The following UHRF1 variants were observed in gnomAD, a reference collection of about 807,000 sequenced individuals.
The protein encoded by UHRF1 is ubiquitin like with PHD and ring finger domains 1.
A neutral mutation model predicts 96.5 loss-of-function variants in UHRF1; 9 were observed. The observed-to-expected ratio is 0.09, with a 90% CI of 0.06 to 0.16. The LOEUF (loss-of-function observed/expected upper bound fraction) is 0.16, where lower values mean the gene tolerates loss of function less well. UHRF1 is among the 10% of genes least tolerant of loss of function. The pLI is 1.00. For synonymous variants in UHRF1, 455 were observed against 469.9 expected (o/e 0.97, Z 0.41); for missense variants, 626 against 1,131.1 (o/e 0.55, Z 6.40).
At chr19:4,912,800 C>T (rs1470587576) in intron 2 of UHRF1, among the ~76,000 whole-genome samples, 1 of 152,068 alleles carries the variant, frequency 6.6e-6, no homozygotes, top group Non-Finnish European at 1.5e-5. Context: ...TCTCACTCTG[C>T]CCAGGCTGTG....
chr19:4,931,982 G>A (rs2033066931), intron 4 of UHRF1, among the ~76,000 whole-genome samples: 1 of 152,096 alleles, frequency 6.6e-6, no homozygotes, highest in African/African-American at 2.4e-5. Context: ...GCCCAGGCTG[G>A]CGTCAATGGC....
chr19:4,957,921 T>C (rs1217267026), intron 16 of UHRF1, among the ~76,000 whole-genome samples: 1 of 152,122 alleles, frequency 6.6e-6, no homozygotes, highest in Non-Finnish European at 1.5e-5. Context: ...TGGACAGGTG[T>C]GGAAGGGACT....
At chr19:4,956,644 A>G in intron 15 of UHRF1, 65 bp from the exon 16 acceptor site, 1 of 980,124 alleles carries the variant, frequency 1.0e-6, no homozygotes, top group Non-Finnish European at 1.6e-6. Flanking sequence ...CTCAGCAGGA[A>G]GCCACTGATC....
In UHRF1 at chr19:4,912,826, C is replaced by A. The variant is rs115398256; in HGVS notation, c.153+1788C>A. ...CCAGGCTGTGTTGCAGTGGCACGAT[C>A]ACAGCTCACTATAGCCTCAGCTTCC... is the stretch of plus-strand genomic sequence containing the variant. On this transcript the variant is annotated intron_variant, in intron 2 of 16. Transcript: ENST00000650932. 2.0e-4 allele frequency among the ~76,000 whole-genome samples: 31 copies of A among 152,256 alleles called. 1 individual carries two copies. The highest frequency in any genetic ancestry group is 7.2e-4 in the African/African-American group (30 of 41,540).
intron 2 of UHRF1, among the ~76,000 whole-genome samples, chr19:4,911,656 C>A (rs894877907): frequency 6.6e-6 from 1 of 152,206 alleles, no homozygotes; most frequent in Non-Finnish European, 1.5e-5. Context: ...CTGTCTCCAG[C>A]CCCTCGTTGC....
chr19:4,931,399 C>T (rs1204677794), intron 4 of UHRF1, among the ~76,000 whole-genome samples: 1 of 152,180 alleles, frequency 6.6e-6, no homozygotes, highest in Non-Finnish European at 1.5e-5. Flanking sequence ...GCCTCAGCCT[C>T]CTGAGTAGCT....
intron 11 of UHRF1, 150 bp downstream of exon 11, chr19:4,947,361 C>T (rs967498255): frequency 8.2e-6 from 6 of 735,644 alleles, no homozygotes; most frequent in East Asian, 2.8e-5. Context: ...CCTCTGTCTC[C>T]CAAAGTGCTG....
At chr19:4,946,974 A>G (rs2033584431) in intron 10 of UHRF1, 131 bp from the exon 11 acceptor site, 2 of 694,116 alleles carry the variant, frequency 2.9e-6, no homozygotes, top group Admixed American at 2.8e-5. Context: ...CAATTTCCCC[A>G]CATTCTCACC....
chr19:4,933,966 TGTGTGC>T (rs66955211), intron 5 of UHRF1, among the ~76,000 whole-genome samples: 5,230 of 68,942 alleles, frequency 0.076, 111 homozygotes, highest in South Asian at 0.21. Flanking sequence ...TTTGTGTGTG[TGTGTGC>T]GTGTGTGTGT....
At chr19:4,940,840 T>C (rs972178668) in intron 5 of UHRF1, among the ~76,000 whole-genome samples, 1 of 151,526 alleles carries the variant, frequency 6.6e-6, no homozygotes, top group African/African-American at 2.4e-5. Context: ...GCCCAGCTAA[T>C]TTTTGCATTT....
intron 9 of UHRF1, 114 bp from the exon 10 acceptor site, chr19:4,945,747 T>G (rs1599287737): frequency 1.3e-6 from 1 of 787,834 alleles, no homozygotes; most frequent in Non-Finnish European, 2.1e-6. Flanking sequence ...GCCTGAGGAG[T>G]TTGGTGTAAA....
chr19:4,944,172 C>T lies in UHRF1; in HGVS notation c.1114C>T (p.Leu372=), dbSNP rs776770273. The T allele has an allele frequency of 3.7e-6, 6 of 1,612,728 alleles. No homozygotes were observed. The highest frequency in any genetic ancestry group is 1.1e-5 in the South Asian group (1 of 91,058). The change falls in exon 8 of 17, where the codon CTG becomes TTG. Residue 372 remains leucine, a synonymous_variant. Transcript: ENST00000650932. ...ECRNDASEVV[L]AGERLRESKK... ...CCGGAATGATGCCAGCGAGGTGGTA[C>T]TGGCGGGAGAGCGGCTGAGAGAGAG... is the stretch of plus-strand genomic sequence containing the variant.
intron 2 of UHRF1, among the ~76,000 whole-genome samples, chr19:4,911,630 C>T (rs532677507): frequency 5.3e-5 from 8 of 152,340 alleles, no homozygotes; most frequent in Admixed American, 3.3e-4. Context: ...CACCGACCCT[C>T]GTCTCTTTCT....
intron 13 of UHRF1, among the ~76,000 whole-genome samples, chr19:4,951,847 C>T (rs921606865): frequency 6.6e-6 from 1 of 152,116 alleles, no homozygotes; most frequent in African/African-American, 2.4e-5. Flanking sequence ...CAACAAGCGG[C>T]GCAGCATTTC....
intron 11 of UHRF1, among the ~76,000 whole-genome samples, chr19:4,950,159 C>T (rs556722457): frequency 1.7e-4 from 26 of 151,778 alleles, no homozygotes; most frequent in African/African-American, 2.7e-4. Flanking sequence ...GCGTGAGCCA[C>T]GGCACCTAGC....
At position 4,912,838 on chromosome 19, in the gene UHRF1, T is replaced by C. The variant is rs538159314; in HGVS notation, c.153+1800T>C. On this transcript the variant is annotated intron_variant, in intron 2 of 16. Coordinates refer to ENST00000650932, the MANE Select transcript of UHRF1 (RefSeq NM_001048201.3). ...GCAGTGGCACGATCACAGCTCACTA[T>C]AGCCTCAGCTTCCTGGGCTCAAGCA... Among the ~76,000 whole-genome samples the C allele has an allele frequency of 5.3e-5, 8 of 152,006 alleles. No individual in the cohort carries two copies. In the South Asian group the frequency reaches 1.2e-3, roughly 24 times the overall value.
chr19:4,953,340 T>G (rs1480512885), intron 13 of UHRF1, among the ~76,000 whole-genome samples: 3 of 152,192 alleles, frequency 2.0e-5, no homozygotes, highest in Admixed American at 6.5e-5. Context: ...TCCATACGTT[T>G]GGACTGGTGA....
chr19:4,957,440 C>T (rs2033887792), intron 16 of UHRF1, among the ~76,000 whole-genome samples: 1 of 151,362 alleles, frequency 6.6e-6, no homozygotes, highest in Admixed American at 6.6e-5. Flanking sequence ...TCCCGAGTAG[C>T]TGGGACTACA....
intron 5 of UHRF1, 149 bp from the exon 6 acceptor site, chr19:4,941,379 T>C (rs1479101541): frequency 4.8e-6 from 3 of 630,752 alleles, no homozygotes; most frequent in African/African-American, 3.7e-5. Context: ...TTCCGTTTCA[T>C]GTTGCTTCTG....
Sources: allele counts gnomAD v4.1 joint callset (sites outside exome capture counted in the v4.1 genomes callset), GRCh38; gene constraint gnomAD v4.1.1; transcripts MANE v1.5; gene names NCBI Gene and HGNC (gene_info 2026-07-23, HGNC 2026-07-21).